The following MYO1C variants were observed in gnomAD, a reference collection of about 807,000 sequenced individuals.
MYO1C encodes the protein myosin IC.
A neutral mutation model predicts 150.8 loss-of-function variants in MYO1C; 104 were observed. The ratio of observed to expected loss-of-function variants is 0.69; its 90% CI spans 0.59 to 0.81. The LOEUF (loss-of-function observed/expected upper bound fraction) is 0.81. MYO1C is among the 30% of genes least tolerant of loss of function. The pLI is 0.00. For missense variants in MYO1C, 1,504 were observed against 1,435.0 expected, an observed-to-expected ratio of 1.05 and a Z score of -0.78; for synonymous variants, 663 against 579.9, an observed-to-expected ratio of 1.14 and a Z score of -2.06.
At chr17:1,482,061 T>C (rs1369492995) in intron 5 of MYO1C, among the ~76,000 whole-genome samples, 1 of 152,080 alleles carries the variant, frequency 6.6e-6, no homozygotes, top group Non-Finnish European at 1.5e-5. Context: ...TTCTATTTTT[T>C]TTAGAGACAG....
rs2074460259 is a variant in MYO1C, at chr17:1,479,097, C to A, written c.1092+334G>T. Among the ~76,000 whole-genome samples the A allele has an allele frequency of 6.6e-6, 1 of 152,114 alleles. No homozygotes were observed. The highest frequency in any genetic ancestry group is 1.5e-5 in the Non-Finnish European group (1 of 68,010). ...GCAACCTCCACCTCCCGGGTTCAAG[C>A]GATTCTCCTGCCTCAGCCTCCCGAG... On this transcript the variant is annotated intron_variant, in intron 9 of 31. Coordinates refer to ENST00000648651, the MANE Select transcript of MYO1C (RefSeq NM_001080779.2). The surrounding 1 kb of genome is among the most constrained non-coding windows in gnomAD (Gnocchi z 4.2).
chr17:1,468,893 C>T, intron 25 of MYO1C: 1 of 344,558 alleles, frequency 2.9e-6, no homozygotes, highest in Non-Finnish European at 5.6e-6. Context: ...GGCACATCAA[C>T]CAATGCCTGT....
At position 1,477,540 on chromosome 17, in the gene MYO1C, C is replaced by T. The variant is rs1338722974; in HGVS notation, c.1539G>A (p.Leu513=). Reference sequence around the variant, plus strand: ...GTGGATGGTGCTTGACAGTATCCTCCAGCTTCTCCAGGAAGGTCAGGTCTG... The same window carrying T: ...GTGGATGGTGCTTGACAGTATCCTCTAGCTTCTCCAGGAAGGTCAGGTCTG... The part of the protein sequence containing the change: ...EATDLTFLEK[L]EDTVKHHPHF... The change falls in exon 14 of 32, where the codon CTG becomes CTA. Residue 513 remains leucine (L), a synonymous_variant. Transcript: ENST00000648651. 1.1e-5 allele frequency: 17 copies of T among 1,613,710 alleles called. No individual in the cohort carries two copies. The highest frequency in any genetic ancestry group is 1.3e-5 in the Non-Finnish European group (15 of 1,180,014).
chr17:1,481,188 G>A, intron 5 of MYO1C: 1 of 427,794 alleles, frequency 2.3e-6, no homozygotes, highest in South Asian at 2.4e-5. Flanking sequence ...GCTCCTGTTA[G>A]TGTCTGCCCT....
chr17:1,467,452 C>A (rs771410724), intron 30 of MYO1C, 28 bp downstream of exon 30: 2 of 1,610,344 alleles, frequency 1.2e-6, no homozygotes, highest in South Asian at 1.1e-5. Flanking sequence ...CACCCCCGCC[C>A]TGTCCCCGGG....
intron 25 of MYO1C, 195 bp from the exon 26 acceptor site, chr17:1,468,691 C>G (rs2074234203): frequency 1.6e-6 from 1 of 611,282 alleles, no homozygotes; most frequent in African/African-American, 1.8e-5. Flanking sequence ...CGCCACCAAG[C>G]ACTCCCCAGC....
chr17:1,469,526 C>A lies in MYO1C; in HGVS notation c.2610+5G>T. The A allele has an allele frequency of 6.2e-7, 1 of 1,608,154 alleles. No individual in the cohort carries two copies. ...CTCATCCTCACCCAGCCCCGCTCTC[C>A]GTACCTGCTGCTTCCACTCAGGGCT... On this transcript the variant is annotated splice_donor_5th_base_variant and intron_variant, in intron 25 of 31. Transcript: ENST00000648651.
In MYO1C at chr17:1,478,558, C is replaced by T; in HGVS notation, c.1212+58G>A. 6.2e-7 allele frequency: 1 copy of T among 1,613,846 alleles called. No individual in the cohort carries two copies. The highest frequency in any genetic ancestry group is 8.5e-7 in the Non-Finnish European group (1 of 1,179,938). On this transcript the variant is annotated intron_variant, in intron 10 of 31. Transcript: ENST00000648651. This position sits in a 1 kb window ranked among gnomAD's most constrained non-coding sequence, Gnocchi z 6.3. ...GTGCCAGCCCCACCCTGCAGCACCCCCCGCCTCGCCGACGGCCCTCCCTTC... is the reference window on the plus strand; with the variant it reads ...GTGCCAGCCCCACCCTGCAGCACCCTCCGCCTCGCCGACGGCCCTCCCTTC...
At chr17:1,486,510 CCT>C (rs2074659176) in intron 1 of MYO1C, among the ~76,000 whole-genome samples, 1 of 134,922 alleles carries the variant, frequency 7.4e-6, no homozygotes, top group Non-Finnish European at 1.5e-5. Context: ...CTCCCTCCCT[CCT>C]TTTTTTTTCT....
intron 25 of MYO1C, chr17:1,468,979 C>A (rs895427820): frequency 4.6e-5 from 13 of 285,418 alleles, no homozygotes; most frequent in African/African-American, 2.8e-4. Flanking sequence ...CAGTCTCTAC[C>A]AATCAAGGGC....
At chr17:1,490,540 C>T (rs1261966382) in intron 1 of MYO1C, among the ~76,000 whole-genome samples, 1 of 152,116 alleles carries the variant, frequency 6.6e-6, no homozygotes, top group Admixed American at 6.5e-5. Context: ...AAAACCTCAC[C>T]TCCATCACTG....
chr17:1,482,617 C>G (rs527455610), intron 4 of MYO1C, 59 bp from the exon 5 acceptor site: 2 of 1,395,984 alleles, frequency 1.4e-6, no homozygotes, highest in East Asian at 4.7e-5. Context: ...CTCCCCACCC[C>G]GCCTTGTAGC....
In MYO1C at chr17:1,483,711, G is replaced by T; in HGVS notation, c.246C>A (p.Pro82=). The change falls in exon 3 of 32, where the codon CCC becomes CCA. Residue 82 remains proline, a synonymous_variant. Transcript: ENST00000648651. ...RENLIYTYIG[P]VLVSVNPYRD... ...GGTAGGGATTGACAGAGACCAGGACGGGGCCAATGTAGGTCTGGGATCGGG... is the reference window on the plus strand; with the variant it reads ...GGTAGGGATTGACAGAGACCAGGACTGGGCCAATGTAGGTCTGGGATCGGG... 6.2e-7 allele frequency: 1 copy of T among 1,611,738 alleles called. No individual in the cohort carries two copies. Among genetic ancestry groups the T allele is most frequent in the East Asian group, 2.2e-5 (1 of 44,802 alleles).
chr17:1,482,866 G>GCAC lies in MYO1C; in HGVS notation c.538_540dup (p.Val180dup), dbSNP rs753798859. 8.1e-7 allele frequency: 1 copy of GCAC among 1,229,170 alleles called. No homozygotes were observed. The highest frequency in any genetic ancestry group is 1.1e-6 in the Non-Finnish European group (1 of 945,406). 76.1% of individuals were successfully genotyped at this position (1,229,170 alleles called of 1,614,324 possible). A position where few individuals can be genotyped will look rare whatever the true frequency, so the allele number is the denominator to read the frequency against. ...CTTCTCTCCCTGCCCCTCACCTCCA[G>GCAC]CACCGGGTTGCTCTGTAGCAGCCGG... On this transcript the variant is annotated inframe_insertion, in exon 4 of 32. Coordinates refer to ENST00000648651, the MANE Select transcript of MYO1C (RefSeq NM_001080779.2).
rs202083297 is a variant in MYO1C, at chr17:1,467,460, G to A, written c.3065+20C>T. The A allele has an allele frequency of 1.9e-5, 31 of 1,597,528 alleles. No individual in the cohort carries two copies. Among genetic ancestry groups the A allele is most frequent in the South Asian group, 9.9e-5 (9 of 90,510 alleles). Reference sequence around the variant, plus strand: ...CCCTCGCCACCCCCGCCCTGTCCCCGGGGGCCGCCCGCGCCTCACCTGCCC... The same window carrying A: ...CCCTCGCCACCCCCGCCCTGTCCCCAGGGGCCGCCCGCGCCTCACCTGCCC... On this transcript the variant is annotated intron_variant, in intron 30 of 31. Transcript: ENST00000648651.
rs146270598 is a variant in MYO1C at position 1,476,927 on chromosome 17, C to A, written c.1574+578G>T. Among the ~76,000 whole-genome samples the A allele has an allele frequency of 4.0e-3, 602 of 151,712 alleles. 1 individual carries two copies. Among genetic ancestry groups the A allele is most frequent in the Non-Finnish European group, 6.9e-3 (467 of 67,866 alleles). ...GATCTCGGCTCACTGCAACCTGCAC[C>A]TCCCGGGTTCGAGCGATTCTCCCGC... On this transcript the variant is annotated intron_variant, in intron 14 of 31. Coordinates refer to ENST00000648651, the MANE Select transcript of MYO1C (RefSeq NM_001080779.2).
Position 1,472,151 on chromosome 17 carries a change from G to A in MYO1C, c.1875C>T (p.Cys625=), listed in dbSNP as rs2074317092. 6.2e-7 allele frequency: 1 copy of A among 1,614,154 alleles called. No individual in the cohort carries two copies. The highest frequency in any genetic ancestry group is 8.5e-7 in the Non-Finnish European group (1 of 1,180,008). ...GCTGTTTGGCATCATTGGGTTTGATGCAGCGGACGTAGGCGGGCTCCTTAG... is the reference window on the plus strand; with the variant it reads ...GCTGTTTGGCATCATTGGGTTTGATACAGCGGACGTAGGCGGGCTCCTTAG... ...LQSKEPAYVR[C]IKPNDAKQPG... Residue 625 remains cysteine (C), a synonymous_variant, in exon 18 of 32, where the codon TGC becomes TGT. Coordinates refer to ENST00000648651, the MANE Select transcript of MYO1C (RefSeq NM_001080779.2).
At chr17:1,470,867 G>A (rs2150937362) in intron 21 of MYO1C, 178 bp from the exon 22 acceptor site, 1 of 902,028 alleles carries the variant, frequency 1.1e-6, no homozygotes, top group South Asian at 1.4e-5. Context: ...GGCGGCGGGT[G>A]GGATGGTGGG....
In MYO1C at chr17:1,479,207, G is replaced by T. The variant is rs905781817; in HGVS notation, c.1092+224C>A. Among the ~76,000 whole-genome samples, 1 of 152,138 alleles carries T rather than the reference G, an allele frequency of 6.6e-6. No individual in the cohort carries two copies. Among genetic ancestry groups the T allele is most frequent in the African/African-American group, 2.4e-5 (1 of 41,418 alleles). ...GGGGTTTCACCATGTTGGCCAAGAT[G>T]GTCTCGAACTCCTGACCTCAGGTGA... is the stretch of plus-strand genomic sequence containing the variant. On this transcript the variant is annotated intron_variant, in intron 9 of 31. Coordinates refer to ENST00000648651, the MANE Select transcript of MYO1C (RefSeq NM_001080779.2). This position sits in a 1 kb window ranked among gnomAD's most constrained non-coding sequence, Gnocchi z 4.2.
Sources: gnomAD v4.1 joint callset for allele counts (sites outside exome capture counted in the v4.1 genomes callset) on GRCh38, gnomAD v4.1.1 for gene constraint, Gnocchi (gnomAD v3.1) non-coding constraint, MANE v1.5 for transcripts, NCBI Gene and HGNC (gene_info 2026-07-23, HGNC 2026-07-21) for gene names.